The following CDH12 variants were observed in gnomAD, a reference collection of about 807,000 sequenced individuals.
CDH12 encodes cadherin-12.
In CDH12, 41 loss-of-function variants were observed where a neutral mutation model predicts 74.1. The ratio of observed to expected loss-of-function variants is 0.55; its 90% CI spans 0.43 to 0.72. CDH12 has a LOEUF of 0.72. Among genes scored for constraint, CDH12 ranks in the 30% least tolerant of loss-of-function variants. The probability of loss-of-function intolerance (pLI) is 0.00; values close to 1 mark genes in which losing one functional copy is unlikely to be tolerated. For synonymous variants in CDH12, 399 were observed against 355.0 expected (o/e 1.12, Z -1.39); for missense variants, 945 against 977.2 (o/e 0.97, Z 0.44).
intron 3 of CDH12, among the ~76,000 whole-genome samples, chr5:22,341,585 T>C (rs1739852140): frequency 6.6e-6 from 1 of 152,124 alleles, no homozygotes; most frequent in Non-Finnish European, 1.5e-5. Flanking sequence ...TAGGCAGCTG[T>C]CTGTGGCTGC....
chr5:21,926,985 G>A (rs769050935), intron 6 of CDH12, among the ~76,000 whole-genome samples: 6 of 152,150 alleles, frequency 3.9e-5, no homozygotes, highest in Non-Finnish European at 8.8e-5. Context: ...GCCAGCAGTT[G>A]ACTAAATGAA....
intron 3 of CDH12, among the ~76,000 whole-genome samples, chr5:22,244,694 AAAG>A (rs1423720106): frequency 4.0e-5 from 6 of 148,710 alleles, no homozygotes; most frequent in African/African-American, 1.5e-4. Context: ...GAAGGAAAGA[AAAG>A]AAAAAGAAAG....
rs1397017747 is a variant in CDH12 at position 22,434,637 on chromosome 5, G to T, written c.-427-29286C>A. ...TGCATCTTATCATCATATTAACCATGCACAATCTTGCAGACTTTTATATAA... is the reference window on the plus strand; with the variant it reads ...TGCATCTTATCATCATATTAACCATTCACAATCTTGCAGACTTTTATATAA... On this transcript the variant is annotated intron_variant, in intron 2 of 14. Coordinates refer to ENST00000382254, the MANE Select transcript of CDH12 (RefSeq NM_004061.5). Among the ~76,000 whole-genome samples the T allele has an allele frequency of 2.0e-5, 3 of 152,022 alleles. No individual in the cohort carries two copies. In the East Asian group the frequency reaches 5.8e-4, roughly 29 times the overall value.
intron 10 of CDH12, among the ~76,000 whole-genome samples, chr5:21,789,184 C>T (rs747304421): frequency 8.6e-5 from 13 of 151,972 alleles, no homozygotes; most frequent in Non-Finnish European, 1.5e-4. Context: ...ATGTTACATA[C>T]ATATATGTCA....
chr5:22,041,056 G>T (rs1739540459), intron 5 of CDH12, among the ~76,000 whole-genome samples: 1 of 151,908 alleles, frequency 6.6e-6, no homozygotes, highest in Non-Finnish European at 1.5e-5. Flanking sequence ...ATAAAATATA[G>T]GGGGAAAGGT....
At chr5:22,141,537 T>A (rs1202899168) in intron 4 of CDH12, 2 of 152,154 alleles carry the variant, frequency 1.3e-5, no homozygotes, top group Non-Finnish European at 2.9e-5. Context: ...AGACGAAGTA[T>A]TCTAAAGCCA....
intron 1 of CDH12, among the ~76,000 whole-genome samples, chr5:22,630,871 T>G (rs1738547491): frequency 6.6e-6 from 1 of 151,900 alleles, no homozygotes; most frequent in Non-Finnish European, 1.5e-5. Context: ...TGGAAGAAAA[T>G]ATTTGCAAAT....
rs1436336821 is a variant in CDH12, at chr5:22,801,674, TATATATATATAC to T, written c.-523+51372_-523+51383del. On this transcript the variant is annotated intron_variant, in intron 1 of 14. Coordinates refer to ENST00000382254, the MANE Select transcript of CDH12 (RefSeq NM_004061.5). The stretch of plus-strand genomic sequence containing the variant: ...ATATATATATATATATATATATATA[TATATATATATAC>T]ACTTTGTTTAATAGGGAGAACACAT... 7.8e-3 allele frequency among the ~76,000 whole-genome samples: 823 copies of T among 105,830 alleles called. 19 individuals are homozygous for T. The highest frequency in any genetic ancestry group is 0.019 in the African/African-American group (403 of 21,552). 69.4% of individuals were successfully genotyped at this position (105,830 alleles called of 152,430 possible).
At chr5:22,332,709 G>GA (rs1430386048) in intron 3 of CDH12, among the ~76,000 whole-genome samples, 1 of 152,014 alleles carries the variant, frequency 6.6e-6, no homozygotes, top group Non-Finnish European at 1.5e-5. Context: ...AAAAACATAT[G>GA]AAAAAAAGCT....
intron 1 of CDH12, among the ~76,000 whole-genome samples, chr5:22,554,893 T>G (rs1239008783): frequency 6.6e-6 from 1 of 152,164 alleles, no homozygotes; most frequent in African/African-American, 2.4e-5. Flanking sequence ...GATCCACGTA[T>G]TTGTTACCCT....
chr5:22,199,654 G>A (rs1750812336), intron 4 of CDH12, among the ~76,000 whole-genome samples: 1 of 152,058 alleles, frequency 6.6e-6, no homozygotes. Context: ...AAACATTCCT[G>A]ATGTTTAATT....
At chr5:22,577,169 C>G (rs1402379304) in intron 1 of CDH12, among the ~76,000 whole-genome samples, 1 of 151,982 alleles carries the variant, frequency 6.6e-6, no homozygotes. Flanking sequence ...CTGATTAGAC[C>G]CATAACATTG....
At chr5:22,762,324 G>A (rs886211140) in intron 1 of CDH12, among the ~76,000 whole-genome samples, 20 of 151,970 alleles carry the variant, frequency 1.3e-4, no homozygotes, top group Non-Finnish European at 2.7e-4. Flanking sequence ...GTCCCTTGGT[G>A]TTACAAAATA....
At chr5:22,561,903 C>A (rs1387361335) in intron 1 of CDH12, among the ~76,000 whole-genome samples, 3 of 152,084 alleles carry the variant, frequency 2.0e-5, no homozygotes, top group Admixed American at 6.5e-5. Flanking sequence ...TAAATAGAAA[C>A]CTTTTTTTGG....
chr5:22,513,543 A>C (rs967117971), intron 1 of CDH12, among the ~76,000 whole-genome samples: 1 of 152,212 alleles, frequency 6.6e-6, no homozygotes, highest in Non-Finnish European at 1.5e-5. Flanking sequence ...AGAAGGTTAT[A>C]CAGACCTTTG....
intron 1 of CDH12, among the ~76,000 whole-genome samples, chr5:22,729,435 T>C (rs763842171): frequency 4.0e-5 from 6 of 151,818 alleles, no homozygotes; most frequent in Non-Finnish European, 8.8e-5. Flanking sequence ...GCCAGGATGA[T>C]CTCCCTATTT....
At chr5:21,781,383 G>A (rs184971981) in intron 11 of CDH12, among the ~76,000 whole-genome samples, 115 of 152,248 alleles carry the variant, frequency 7.6e-4, no homozygotes, top group Non-Finnish European at 1.5e-3. Context: ...ATAAGAATTA[G>A]CATTTGAACA....
intron 8 of CDH12, 69 bp downstream of exon 8, chr5:21,842,092 A>G (rs1391743436): frequency 7.9e-6 from 9 of 1,132,572 alleles, no homozygotes; most frequent in African/African-American, 3.1e-5. Context: ...TCATTCCCAT[A>G]GCATTCAATG....
intron 10 of CDH12, among the ~76,000 whole-genome samples, chr5:21,798,537 G>A (rs1463659659): frequency 6.6e-6 from 1 of 152,012 alleles, no homozygotes; most frequent in Non-Finnish European, 1.5e-5. Context: ...GGATGTTTAT[G>A]TTTCCCCAAA....
Sources: gnomAD v4.1 joint callset for allele counts (sites outside exome capture counted in the v4.1 genomes callset) on GRCh38, gnomAD v4.1.1 for gene constraint, MANE v1.5 for transcripts, NCBI Gene and HGNC (gene_info 2026-07-23, HGNC 2026-07-21) for gene names.